Variants in XKR6 observed in about 807,000 individuals in gnomAD.
The protein encoded by XKR6 is XK related 6, also known as XK-related protein 6.
A neutral mutation model predicts 56.7 loss-of-function variants in XKR6; 22 were observed. That is an observed-to-expected ratio of 0.39 (90% CI 0.28 to 0.55). XKR6 has a LOEUF of 0.55. XKR6 is among the 20% of genes least tolerant of loss of function. The pLI, the probability that XKR6 is intolerant of heterozygous loss-of-function variation, is 0.66. For missense variants in XKR6, 852 were observed against 889.0 expected (o/e 0.96, Z 0.53); for synonymous variants, 524 against 387.8 (o/e 1.35, Z -4.13).
At chr8:11,189,479 C>G (rs1381629514) in intron 1 of XKR6, among the ~76,000 whole-genome samples, 1 of 152,182 alleles carries the variant, frequency 6.6e-6, no homozygotes, top group Non-Finnish European at 1.5e-5. Context: ...CCAAGCCACT[C>G]CAGCTAAAAG....
rs1799922581 is a variant in XKR6 at position 10,897,676 on chromosome 8, T to TA, written c.*275dup. 3.0e-6 allele frequency: 1 copy of TA among 338,982 alleles called. No individual in the cohort carries two copies. Among genetic ancestry groups the TA allele is most frequent in the African/African-American group, 2.1e-5 (1 of 47,412 alleles). 21.0% of individuals were successfully genotyped at this position (338,982 alleles called of 1,614,324 possible). On this transcript the variant is annotated 3_prime_UTR_variant, in exon 3 of 3. Coordinates refer to ENST00000416569, the MANE Select transcript of XKR6 (RefSeq NM_173683.4). ...CGTGGGATTTTTCAATACTGTTTCTTATGTGTAAAAAACAAAAGAAAGGTT... is the reference window on the plus strand; with the variant it reads ...CGTGGGATTTTTCAATACTGTTTCTTAATGTGTAAAAAACAAAAGAAAGGTT...
At chr8:11,114,654 C>A (rs1387351820) in intron 1 of XKR6, among the ~76,000 whole-genome samples, 7 of 152,016 alleles carry the variant, frequency 4.6e-5, no homozygotes, top group Admixed American at 6.6e-5. Context: ...AGCCACCGCA[C>A]CTGGCCAAAC....
chr8:10,904,531 A>C (rs1563279557), intron 2 of XKR6, among the ~76,000 whole-genome samples: 1 of 152,182 alleles, frequency 6.6e-6, no homozygotes, highest in Admixed American at 6.5e-5. Context: ...TGAGAAGCAC[A>C]GTGACAGGGC....
intron 1 of XKR6, among the ~76,000 whole-genome samples, chr8:11,158,322 G>A (rs550301962): frequency 2.0e-5 from 3 of 152,152 alleles, no homozygotes; most frequent in Non-Finnish European, 4.4e-5. Flanking sequence ...AGAAGCACTC[G>A]CCAAGAAAAG....
intron 1 of XKR6, among the ~76,000 whole-genome samples, chr8:10,927,409 C>T (rs887436467): frequency 3.3e-5 from 5 of 152,102 alleles, no homozygotes; most frequent in African/African-American, 1.2e-4. Flanking sequence ...AAGCCATGAG[C>T]CACAGATCAC....
chr8:10,900,936 C>A (rs1017913738), intron 2 of XKR6, among the ~76,000 whole-genome samples: 1 of 147,316 alleles, frequency 6.8e-6, no homozygotes, highest in Non-Finnish European at 1.5e-5. Context: ...CTCACTGAAG[C>A]CTCAACCTCC....
At chr8:11,166,892 G>A (rs1369214469) in intron 1 of XKR6, among the ~76,000 whole-genome samples, 2 of 152,104 alleles carry the variant, frequency 1.3e-5, no homozygotes, top group South Asian at 2.1e-4. Context: ...ACATTTAATA[G>A]GGAAAATATT....
intron 2 of XKR6, among the ~76,000 whole-genome samples, chr8:10,911,751 G>C (rs1800377209): frequency 6.7e-6 from 1 of 148,920 alleles, no homozygotes; most frequent in Admixed American, 6.7e-5. Flanking sequence ...GAGGGCAAGT[G>C]TGTATATATA....
chr8:11,192,612 T>G (rs1170573595), intron 1 of XKR6, among the ~76,000 whole-genome samples: 3 of 152,022 alleles, frequency 2.0e-5, no homozygotes, highest in African/African-American at 7.2e-5. Context: ...GAGAATCTGT[T>G]TCTTTAGAAA....
At chr8:10,964,175 C>T (rs1348699548) in intron 1 of XKR6, among the ~76,000 whole-genome samples, 3 of 152,206 alleles carry the variant, frequency 2.0e-5, no homozygotes, top group Non-Finnish European at 4.4e-5. Flanking sequence ...AGGGCAGGGG[C>T]TGCCTGAGCT....
intron 1 of XKR6, among the ~76,000 whole-genome samples, chr8:11,115,379 T>C (rs887589118): frequency 2.0e-5 from 3 of 152,174 alleles, no homozygotes; most frequent in Non-Finnish European, 4.4e-5. Flanking sequence ...TTAAGAGTAA[T>C]TCATTCAACT....
At chr8:11,101,213 C>A (rs76019163) in intron 1 of XKR6, among the ~76,000 whole-genome samples, 1 of 152,068 alleles carries the variant, frequency 6.6e-6, no homozygotes, top group South Asian at 2.1e-4. Flanking sequence ...AAATTATACA[C>A]GAGAGTCATT....
chr8:11,015,326 T>C (rs1239325063), intron 1 of XKR6, among the ~76,000 whole-genome samples: 2 of 152,180 alleles, frequency 1.3e-5, no homozygotes, highest in East Asian at 1.9e-4. Context: ...CCCAACTCTC[T>C]GGAAAGAGGG....
At chr8:11,064,910 C>T (rs555252124) in intron 1 of XKR6, among the ~76,000 whole-genome samples, 1 of 152,270 alleles carries the variant, frequency 6.6e-6, no homozygotes, top group South Asian at 2.1e-4. Flanking sequence ...GAAGAAGTGA[C>T]AAAAACCTCA....
In XKR6 at chr8:11,007,018, C is replaced by T. The variant is rs919939916; in HGVS notation, c.765-82188G>A. Among the ~76,000 whole-genome samples, 11 of 152,224 alleles carry T rather than the reference C, an allele frequency of 7.2e-5. No homozygotes were observed. In the South Asian group the frequency reaches 2.1e-3, roughly 29 times the overall value. ...AAGACCAAATTCTGGGTAATGGACC[C>T]CAAGAGGAACCCTACCAGTTGGCTT... On this transcript the variant is annotated intron_variant, in intron 1 of 2. Transcript: ENST00000416569.
chr8:11,139,345 G>GGGAGGCAGTGACCAGGCCCCA (rs1223907984), intron 1 of XKR6, among the ~76,000 whole-genome samples: 1 of 152,144 alleles, frequency 6.6e-6, no homozygotes, highest in Non-Finnish European at 1.5e-5. Flanking sequence ...CACGCAGGTA[G>GGGAGGCAGTGACCAGGCCCCA]GGAGGCAGTG....
At chr8:11,142,575 T>A (rs1800761761) in intron 1 of XKR6, among the ~76,000 whole-genome samples, 1 of 152,172 alleles carries the variant, frequency 6.6e-6, no homozygotes, top group South Asian at 2.1e-4. Context: ...ACACGAGATC[T>A]GATTGCTTAC....
At position 11,054,975 on chromosome 8, in the gene XKR6, G is replaced by A. The variant is rs766192585; in HGVS notation, c.765-130145C>T. Among the ~76,000 whole-genome samples, 113 of 152,196 alleles carry A rather than the reference G, an allele frequency of 7.4e-4. 1 individual carries two copies. The highest frequency in any genetic ancestry group is 1.2e-4 in the African/African-American group (5 of 41,444). The stretch of plus-strand genomic sequence containing the variant: ...GCCAATCCTGTCTTCTCTGCAGGAG[G>A]GGAATGTCAAAACACAGCCAGAGGG... On this transcript the variant is annotated intron_variant, in intron 1 of 2. Coordinates refer to ENST00000416569, the MANE Select transcript of XKR6 (RefSeq NM_173683.4).
intron 1 of XKR6, among the ~76,000 whole-genome samples, chr8:11,126,365 C>T (rs535066644): frequency 1.4e-4 from 21 of 152,250 alleles, no homozygotes; most frequent in African/African-American, 5.1e-4. Flanking sequence ...TGTGCCCGGC[C>T]TACTTTGGCG....
Sources: allele counts gnomAD v4.1 joint callset (sites outside exome capture counted in the v4.1 genomes callset), GRCh38; gene constraint gnomAD v4.1.1; transcripts MANE v1.5; gene names NCBI Gene and HGNC (gene_info 2026-07-23, HGNC 2026-07-21).